The following LINGO2 variants were observed in gnomAD, a reference collection of about 807,000 sequenced individuals.
The protein encoded by LINGO2 is leucine-rich repeat and immunoglobulin-like domain-containing nogo receptor-interacting protein 2.
LINGO2 carries 14 observed loss-of-function variants against 30.6 expected under a neutral mutation model. That is an observed-to-expected ratio of 0.46 (90% CI 0.30 to 0.72). The LOEUF is 0.72. Among genes scored for constraint, LINGO2 ranks in the 30% least tolerant of loss-of-function variants. The pLI, the probability that LINGO2 is intolerant of heterozygous loss-of-function variation, is 0.07. For synonymous variants in LINGO2, 317 were observed against 288.5 expected, an observed-to-expected ratio of 1.10 and a Z score of -1.00; for missense variants, 729 against 751.7, an observed-to-expected ratio of 0.97 and a Z score of 0.35.
At chr9:28,414,421 C>G (rs868762963) in intron 2 of LINGO2, among the ~76,000 whole-genome samples, 13 of 151,996 alleles carry the variant, frequency 8.6e-5, no homozygotes, top group South Asian at 2.1e-4. Flanking sequence ...CATATTTTCC[C>G]TCACCATGTG....
At chr9:28,432,831 G>A (rs1823732601) in intron 2 of LINGO2, among the ~76,000 whole-genome samples, 2 of 152,034 alleles carry the variant, frequency 1.3e-5, no homozygotes, top group African/African-American at 2.4e-5. Flanking sequence ...TAAAAGAGAC[G>A]TTGACTTCAG....
At chr9:28,738,887 A>C in the LINGO2 span, among the ~76,000 whole-genome samples, 1 of 152,064 alleles carries the variant, frequency 6.6e-6, no homozygotes, top group Non-Finnish European at 1.5e-5. Context: ...AAAATTAGTT[A>C]ATTAAAAGTC....
chr9:28,955,149 AAG>A, the LINGO2 span, among the ~76,000 whole-genome samples: 1 of 151,526 alleles, frequency 6.6e-6, no homozygotes, highest in Non-Finnish European at 1.5e-5. Flanking sequence ...GGGAGACAAA[AAG>A]AGAAACAATC....
chr9:28,448,213 G>C (rs1824504972), intron 2 of LINGO2, among the ~76,000 whole-genome samples: 1 of 152,118 alleles, frequency 6.6e-6, no homozygotes, highest in Admixed American at 6.6e-5. Flanking sequence ...TTTGAAAGTT[G>C]TGCACCTACA....
At chr9:28,640,914 A>C (rs537320230) in intron 1 of LINGO2, among the ~76,000 whole-genome samples, 1 of 151,724 alleles carries the variant, frequency 6.6e-6, no homozygotes, top group African/African-American at 2.4e-5. Context: ...GATTTTTAGA[A>C]TTTTCAGTTT....
chr9:29,158,733 T>C, the LINGO2 span, among the ~76,000 whole-genome samples: 37,437 of 151,912 alleles, frequency 0.25, 4,787 homozygotes, highest in East Asian at 0.44. Flanking sequence ...CGTCTGTGTG[T>C]GCAAGTGTGT....
the LINGO2 span, among the ~76,000 whole-genome samples, chr9:29,192,478 C>A: frequency 6.6e-6 from 1 of 151,902 alleles, no homozygotes; most frequent in African/African-American, 2.4e-5. Context: ...ATTGATGGCT[C>A]CAGAATGTAA....
intron 4 of LINGO2, among the ~76,000 whole-genome samples, chr9:28,279,564 T>C (rs1823246605): frequency 6.6e-6 from 1 of 152,186 alleles, no homozygotes; most frequent in Admixed American, 6.6e-5. Context: ...TAGCATTCTT[T>C]AGCTTATTTT....
the LINGO2 span, among the ~76,000 whole-genome samples, chr9:28,805,630 A>T: frequency 6.6e-6 from 1 of 152,192 alleles, no homozygotes; most frequent in Admixed American, 6.5e-5. Flanking sequence ...TTCAGTTTTC[A>T]CAAATCTACT....
the LINGO2 span, among the ~76,000 whole-genome samples, chr9:28,764,219 G>A: frequency 6.6e-6 from 1 of 151,094 alleles, no homozygotes; most frequent in South Asian, 2.1e-4. Flanking sequence ...GAAAACTACA[G>A]GCCAGTATCT....
chr9:28,067,059 G>A (rs573901629), intron 4 of LINGO2, among the ~76,000 whole-genome samples: 2 of 152,156 alleles, frequency 1.3e-5, no homozygotes, highest in South Asian at 2.1e-4. Flanking sequence ...AATATCTGCA[G>A]ATATGGAATA....
intron 2 of LINGO2, among the ~76,000 whole-genome samples, chr9:28,408,787 A>G (rs13290109): frequency 1.4e-4 from 9 of 65,818 alleles, no homozygotes; most frequent in Non-Finnish European, 3.3e-4. Context: ...AAAAAAAAAA[A>G]CAAAAAAAAA....
intron 1 of LINGO2, among the ~76,000 whole-genome samples, chr9:28,540,392 C>A (rs1426693899): frequency 6.6e-6 from 1 of 151,908 alleles, no homozygotes; most frequent in Non-Finnish European, 1.5e-5. Context: ...TCCCAAGTAG[C>A]TGGGACTACA....
At chr9:28,480,954 T>C (rs918152354) in intron 1 of LINGO2, among the ~76,000 whole-genome samples, 1 of 152,148 alleles carries the variant, frequency 6.6e-6, no homozygotes, top group Non-Finnish European at 1.5e-5. Flanking sequence ...ACAACAGTCC[T>C]GCCTCCTTTT....
chr9:28,208,820 AC>A (rs1820497757), intron 4 of LINGO2, among the ~76,000 whole-genome samples: 1 of 151,960 alleles, frequency 6.6e-6, no homozygotes, highest in Non-Finnish European at 1.5e-5. Context: ...CTCACCTCAC[AC>A]ATGCTTCATC....
At chr9:28,038,517 C>T (rs1037427997) in intron 4 of LINGO2, among the ~76,000 whole-genome samples, 1 of 151,986 alleles carries the variant, frequency 6.6e-6, no homozygotes, top group African/African-American at 2.4e-5. Flanking sequence ...AACGGTGAAA[C>T]CCAGTCTCTA....
At chr9:28,268,201 T>C (rs1822820515) in intron 4 of LINGO2, among the ~76,000 whole-genome samples, 1 of 152,062 alleles carries the variant, frequency 6.6e-6, no homozygotes, top group African/African-American at 2.4e-5. Context: ...TCTGTAGCCA[T>C]TCCTCTAATG....
intron 4 of LINGO2, among the ~76,000 whole-genome samples, chr9:28,064,534 A>G (rs1160516888): frequency 6.6e-6 from 1 of 152,160 alleles, no homozygotes; most frequent in African/African-American, 2.4e-5. Flanking sequence ...GACTTTCTCC[A>G]GTAAGTTTGA....
At chr9:28,295,675 G>C (rs992987826) in intron 3 of LINGO2, among the ~76,000 whole-genome samples, 3 of 152,056 alleles carry the variant, frequency 2.0e-5, no homozygotes, top group Non-Finnish European at 2.9e-5. Context: ...TCTTCTTCAG[G>C]TAGGTGACCA....
Sources: allele counts gnomAD v4.1 joint callset (sites outside exome capture counted in the v4.1 genomes callset), GRCh38; gene constraint gnomAD v4.1.1; transcripts MANE v1.5; gene names NCBI Gene and HGNC (gene_info 2026-07-23, HGNC 2026-07-21).